Variants in PSAP observed in about 807,000 individuals in gnomAD.
PSAP encodes the protein prosaposin, also known as precursor of saposins.
A neutral mutation model predicts 66.0 loss-of-function variants in PSAP; 25 were observed. The ratio of observed to expected loss-of-function variants is 0.38; its 90% CI spans 0.28 to 0.53. The LOEUF is 0.53. Among genes scored for constraint, PSAP ranks in the 20% least tolerant of loss-of-function variants. The pLI, the probability that PSAP is intolerant of heterozygous loss-of-function variation, is 0.83. For synonymous variants in PSAP, 273 were observed against 258.9 expected, an observed-to-expected ratio of 1.05 and a Z score of -0.52; for missense variants, 649 against 668.8, an observed-to-expected ratio of 0.97 and a Z score of 0.33.
intron 2 of PSAP, among the ~76,000 whole-genome samples, chr10:71,832,813 C>T (rs1041691822): frequency 6.6e-6 from 1 of 151,590 alleles, no homozygotes; most frequent in African/African-American, 2.4e-5. Flanking sequence ...GTCAGGAGTT[C>T]GAGACCAGCC....
chr10:71,819,410 C>G, intron 11 of PSAP, 55 bp downstream of exon 11: 1 of 1,606,180 alleles, frequency 6.2e-7, no homozygotes, highest in Non-Finnish European at 8.5e-7. Context: ...CCAGCCTTGG[C>G]ATACTTCATC....
chr10:71,834,523 G>C lies in PSAP; in HGVS notation c.41-18C>G. On this transcript the variant is annotated intron_variant, in intron 1 of 13. Coordinates refer to ENST00000394936, the MANE Select transcript of PSAP (RefSeq NM_002778.4). ...GGCTAGAGCTAAAATGAAAACCAACGTGAGGAGGTGGCCCATTTTGTAGCA... is the reference window on the plus strand; with the variant it reads ...GGCTAGAGCTAAAATGAAAACCAACCTGAGGAGGTGGCCCATTTTGTAGCA... The C allele has an allele frequency of 6.2e-7, 1 of 1,612,864 alleles. No homozygotes were observed. The highest frequency in any genetic ancestry group is 8.5e-7 in the Non-Finnish European group (1 of 1,179,598).
intron 1 of PSAP, chr10:71,844,657 C>T (rs780281309): frequency 1.9e-4 from 29 of 152,120 alleles, no homozygotes; most frequent in African/African-American, 4.6e-4. Context: ...CAGAGCAAGA[C>T]TCTGTGTCAA....
At position 71,817,323 on chromosome 10, in the gene PSAP, G is replaced by A. The variant is rs949452381; in HGVS notation, c.*118C>T. 2.7e-6 allele frequency: 3 copies of A among 1,112,548 alleles called. No homozygotes were observed. Among genetic ancestry groups the A allele is most frequent in the African/African-American group, 1.5e-5 (1 of 65,158 alleles). 68.9% of individuals were successfully genotyped at this position (1,112,548 alleles called of 1,614,324 possible). A position where few individuals can be genotyped will look rare whatever the true frequency, so the allele number is the denominator to read the frequency against. ...CAATAAAGGACACAGAAATGGGGGA[G>A]GTGGGGGAGCCCTATTTTTATAACA... On this transcript the variant is annotated 3_prime_UTR_variant, in exon 14 of 14. Transcript: ENST00000394936.
chr10:71,828,867 G>C lies in PSAP; in HGVS notation c.576+10C>G, dbSNP rs765209148. ...AAAATGGGTCCTCAGTGGCCAGCCC[G>C]TTGTCTTACCTTTGGCTGGGGCTTG... On this transcript the variant is annotated intron_variant, in intron 5 of 13. Coordinates refer to ENST00000394936, the MANE Select transcript of PSAP (RefSeq NM_002778.4). 1 of 1,613,778 alleles carries C rather than the reference G, an allele frequency of 6.2e-7. No individual in the cohort carries two copies. Among genetic ancestry groups the C allele is most frequent in the Non-Finnish European group, 8.5e-7 (1 of 1,179,954 alleles).
rs977884584 is a variant in PSAP at position 71,817,548 on chromosome 10, A to T, written c.1540-72T>A. The T allele has an allele frequency of 2.8e-6, 4 of 1,444,428 alleles. No homozygotes were observed. The African/African-American group carries it at 4.2e-5, about 15-fold the overall frequency. The allele number at this position is 1,444,428 out of a possible 1,614,324, so 89.5% of individuals were successfully genotyped here. A position where few individuals can be genotyped will look rare whatever the true frequency, so the allele number is the denominator to read the frequency against. ...CGTTCCCGGCCCATCAATGTATCAG[A>T]TATCACCCCAAAACAGGACCTGTTC... On this transcript the variant is annotated intron_variant, in intron 13 of 13. Transcript: ENST00000394936.
intron 2 of PSAP, among the ~76,000 whole-genome samples, chr10:71,833,278 T>TA (rs1466384826): frequency 3.3e-5 from 5 of 151,888 alleles, no homozygotes; most frequent in African/African-American, 7.3e-5. Context: ...GGCAACATGG[T>TA]AAAAACACTA....
intron 9 of PSAP, 141 bp from the exon 10 acceptor site, chr10:71,820,041 C>A: frequency 1.1e-6 from 1 of 934,488 alleles, no homozygotes; most frequent in Non-Finnish European, 1.7e-6. Flanking sequence ...AACTACAAAG[C>A]AGGGCAATGG....
At chr10:71,823,938 G>T in intron 7 of PSAP, 1 of 1,280,886 alleles carries the variant, frequency 7.8e-7, no homozygotes, top group Non-Finnish European at 1.0e-6. Context: ...GAAAATAAGA[G>T]AAAGGAAAGG....
chr10:71,839,655 G>A (rs1156264935), intron 1 of PSAP, among the ~76,000 whole-genome samples: 1 of 151,964 alleles, frequency 6.6e-6, no homozygotes, highest in African/African-American at 2.4e-5. Context: ...CACAAATCAA[G>A]ACCAGCCTGG....
intron 1 of PSAP, among the ~76,000 whole-genome samples, chr10:71,839,467 T>C (rs374231334): frequency 7.9e-5 from 12 of 151,624 alleles, no homozygotes; most frequent in African/African-American, 2.2e-4. Context: ...TTCGAACTCC[T>C]GACCTCGTGA....
At position 71,840,354 on chromosome 10, in the gene PSAP, C is replaced by A. The variant is rs7899796; in HGVS notation, c.41-5849G>T. 2.7e-3 allele frequency among the ~76,000 whole-genome samples: 415 copies of A among 152,302 alleles called. 1 individual carries two copies. The highest frequency in any genetic ancestry group is 9.4e-3 in the African/African-American group (391 of 41,560). On this transcript the variant is annotated intron_variant, in intron 1 of 13. Transcript: ENST00000394936. ...ACCCCTGGAGGAGCGGCTTCTACCGCAGGGCATTTCTCAGAGGAATTCATG... is the reference window on the plus strand; with the variant it reads ...ACCCCTGGAGGAGCGGCTTCTACCGAAGGGCATTTCTCAGAGGAATTCATG...
chr10:71,821,876 C>T lies in PSAP; in HGVS notation c.909G>A (p.Lys303=), dbSNP rs1564816424. The T allele has an allele frequency of 2.5e-6, 4 of 1,614,170 alleles. No homozygotes were observed. The South Asian group carries it at 4.4e-5, about 18-fold the overall frequency. Reference sequence around the variant, plus strand: ...CAGGACACAAAGTGACACCAGGTACCTTAATGGGCTCCACCAGTTCCAGGG... The same window carrying T: ...CAGGACACAAAGTGACACCAGGTACTTTAATGGGCTCCACCAGTTCCAGGG... ...IPALELVEPI[K]KHEVPAKSDV... is the part of the protein sequence containing the mutation. Residue 303 remains lysine, a splice_region_variant and synonymous_variant, in exon 8 of 14, where the codon AAG becomes AAA. Transcript: ENST00000394936.
rs1319056583 is a variant in PSAP, at chr10:71,817,270, A to T, written c.*171T>A. ...GAAGCAGCTATGTCTGCCAGGGGCT[A>T]GGGGCTCCCTTGCAGACAGCAATGC... On this transcript the variant is annotated 3_prime_UTR_variant, in exon 14 of 14. Transcript: ENST00000394936. 2.6e-6 allele frequency: 2 copies of T among 779,052 alleles called. No homozygotes were observed. The highest frequency in any genetic ancestry group is 3.4e-5 in the African/African-American group (2 of 59,124). 48.3% of individuals were successfully genotyped at this position (779,052 alleles called of 1,614,324 possible).
In PSAP at chr10:71,831,169, T is replaced by G. The variant is rs1342627732; in HGVS notation, c.332A>C (p.Asp111Ala). The G allele has an allele frequency of 6.2e-7, 1 of 1,613,816 alleles. No individual in the cohort carries two copies. The highest frequency in any genetic ancestry group is 1.7e-5 in the Admixed American group (1 of 59,990). Residue 111 changes from aspartate to alanine, a missense_variant, in exon 4 of 14, where the codon GAC becomes GCC. Coordinates refer to ENST00000394936, the MANE Select transcript of PSAP (RefSeq NM_002778.4). ...GTCCAGGATGACAGGGAGGTAGGAGTCCACTATCTCCTTGCATGAAGCAGA... is the reference window on the plus strand; with the variant it reads ...GTCCAGGATGACAGGGAGGTAGGAGGCCACTATCTCCTTGCATGAAGCAGA... ...NMSASCKEIV[D>A]SYLPVILDII... is the part of the protein sequence containing the mutation.
At chr10:71,837,920 C>A (rs1842657196) in intron 1 of PSAP, among the ~76,000 whole-genome samples, 1 of 152,234 alleles carries the variant, frequency 6.6e-6, no homozygotes, top group African/African-American at 2.4e-5. Flanking sequence ...GGCAGCCAGG[C>A]TGCAAAGGCA....
chr10:71,847,089 T>G (rs1247476073), intron 1 of PSAP, among the ~76,000 whole-genome samples: 1 of 152,118 alleles, frequency 6.6e-6, no homozygotes. Flanking sequence ...GACCAAGTTC[T>G]CCTTTCCCTC....
chr10:71,849,463 C>T (rs767669512), intron 1 of PSAP, among the ~76,000 whole-genome samples: 3 of 151,258 alleles, frequency 2.0e-5, no homozygotes, highest in Admixed American at 6.6e-5. Flanking sequence ...GGGCTGGGTG[C>T]GGTGTCTCAC....
chr10:71,819,790 C>G lies in PSAP; in HGVS notation c.1116G>C (p.Leu372=), dbSNP rs1258427230. 1.2e-6 allele frequency: 2 copies of G among 1,613,940 alleles called. No homozygotes were observed. The highest frequency in any genetic ancestry group is 1.7e-6 in the Non-Finnish European group (2 of 1,179,986). ...CCAGCTCAGGGCTGACCTCCTCCAG[C>G]AGGATGGACAGGATGGAGCTGCCGT... ...DTYGSSILSI[L]LEEVSPELVC... Residue 372 remains leucine (L), a synonymous_variant, in exon 10 of 14, where the codon CTG becomes CTC. Coordinates refer to ENST00000394936, the MANE Select transcript of PSAP (RefSeq NM_002778.4).
Sources: gnomAD v4.1 joint callset for allele counts (sites outside exome capture counted in the v4.1 genomes callset) on GRCh38, gnomAD v4.1.1 for gene constraint, MANE v1.5 for transcripts, NCBI Gene and HGNC (gene_info 2026-07-23, HGNC 2026-07-21) for gene names.